Variants in ANKS1B observed in about 807,000 individuals in gnomAD.
ANKS1B encodes ankyrin repeat and sterile alpha motif domain containing 1B.
Under a neutral mutation model 148.3 loss-of-function variants are expected in ANKS1B, and 36 were observed. The observed-to-expected ratio is 0.24, with a 90% confidence interval of 0.19 to 0.32. ANKS1B has a LOEUF of 0.32. ANKS1B is among the 10% of genes least tolerant of loss of function. The pLI is 1.00. For missense variants in ANKS1B, 1,157 were observed against 1,542.6 expected (o/e 0.75, Z 4.19); for synonymous variants, 542 against 560.8 (o/e 0.97, Z 0.47).
intron 9 of ANKS1B, among the ~76,000 whole-genome samples, chr12:99,591,414 A>G (rs2097701956): frequency 6.6e-6 from 1 of 152,096 alleles, no homozygotes; most frequent in African/African-American, 2.4e-5. Flanking sequence ...GACTTATAAC[A>G]AGTGTTATTT....
At position 98,855,339 on chromosome 12, in the gene ANKS1B, G is replaced by A. The variant is rs9919811; in HGVS notation, c.2779-23203C>T. On this transcript the variant is annotated intron_variant, in intron 17 of 26. Coordinates refer to ENST00000683438, the MANE Select transcript of ANKS1B (RefSeq NM_001352186.2). Reference sequence around the variant, plus strand: ...GAAGGAGGCAGTGGCCATATTTAGAGGGCCAAAACCTGTTCTTCTGGTGGT... The same window carrying A: ...GAAGGAGGCAGTGGCCATATTTAGAAGGCCAAAACCTGTTCTTCTGGTGGT... Among the ~76,000 whole-genome samples the A allele has an allele frequency of 3.6e-3, 554 of 152,282 alleles. 3 individuals carry two copies. Among genetic ancestry groups the A allele is most frequent in the African/African-American group, 0.013 (530 of 41,564 alleles).
chr12:99,347,922 A>G (rs2090937972), intron 12 of ANKS1B, among the ~76,000 whole-genome samples: 1 of 152,072 alleles, frequency 6.6e-6, no homozygotes, highest in Admixed American at 6.6e-5. Flanking sequence ...ACTGTCTTAA[A>G]TATGTTTAAA....
intron 9 of ANKS1B, among the ~76,000 whole-genome samples, chr12:99,549,577 A>G (rs1157691872): frequency 3.9e-5 from 6 of 152,122 alleles, no homozygotes; most frequent in Non-Finnish European, 8.8e-5. Flanking sequence ...CAACACTTTC[A>G]TGAATGCTTT....
At chr12:99,049,647 T>TA (rs1303047879) in intron 17 of ANKS1B, among the ~76,000 whole-genome samples, 1 of 152,082 alleles carries the variant, frequency 6.6e-6, no homozygotes, top group African/African-American at 2.4e-5. Context: ...AGTCCTAAAT[T>TA]AAACAGTCAT....
intron 8 of ANKS1B, among the ~76,000 whole-genome samples, chr12:99,701,956 T>G (rs2054901447): frequency 6.6e-6 from 1 of 152,200 alleles, no homozygotes; most frequent in Non-Finnish European, 1.5e-5. Context: ...GACACTTAGG[T>G]TGCTTCCAAA....
chr12:99,547,853 A>ATGCTAGATTTT (rs1189819243), intron 9 of ANKS1B, among the ~76,000 whole-genome samples: 1 of 152,184 alleles, frequency 6.6e-6, no homozygotes, highest in African/African-American at 2.4e-5. Flanking sequence ...AGAAGAGTTT[A>ATGCTAGATTTT]TGCTAGATTT....
chr12:99,432,298 G>A (rs1486393278), intron 11 of ANKS1B, among the ~76,000 whole-genome samples: 9 of 152,108 alleles, frequency 5.9e-5, no homozygotes, highest in Admixed American at 5.9e-4. Flanking sequence ...CCTATCTAAT[G>A]CCTATTCAAA....
chr12:99,046,516 C>T (rs1215879147), intron 17 of ANKS1B, among the ~76,000 whole-genome samples: 1 of 152,126 alleles, frequency 6.6e-6, no homozygotes, highest in African/African-American at 2.4e-5. Context: ...AGACCCAAGT[C>T]TGGCCGGGTG....
intron 12 of ANKS1B, among the ~76,000 whole-genome samples, chr12:99,278,573 TAC>T (rs1299382151): frequency 6.6e-6 from 1 of 152,134 alleles, no homozygotes; most frequent in Non-Finnish European, 1.5e-5. Context: ...CTTTGATTCT[TAC>T]ACATCCTTCA....
intron 17 of ANKS1B, among the ~76,000 whole-genome samples, chr12:98,881,826 T>C (rs1482555279): frequency 3.9e-5 from 6 of 152,126 alleles, no homozygotes; most frequent in Non-Finnish European, 8.8e-5. Flanking sequence ...ATTTAATGCA[T>C]AAAGTCTAAT....
intron 8 of ANKS1B, among the ~76,000 whole-genome samples, chr12:99,665,073 G>T (rs1000531018): frequency 3.9e-5 from 6 of 152,086 alleles, no homozygotes; most frequent in Admixed American, 3.9e-4. Flanking sequence ...GAATAAAGTC[G>T]CCATTAACAT....
intron 10 of ANKS1B, among the ~76,000 whole-genome samples, chr12:99,486,981 T>C (rs2096497756): frequency 6.6e-6 from 1 of 152,150 alleles, no homozygotes; most frequent in South Asian, 2.1e-4. Flanking sequence ...GTGCCTGCCA[T>C]GGTGGACAAG....
intron 16 of ANKS1B, among the ~76,000 whole-genome samples, chr12:99,068,270 G>A (rs1337026057): frequency 6.6e-6 from 1 of 152,096 alleles, no homozygotes; most frequent in Non-Finnish European, 1.5e-5. Flanking sequence ...GTGTCCTTAG[G>A]TGATTTTGTC....
At chr12:98,899,605 A>G (rs2099769376) in intron 17 of ANKS1B, among the ~76,000 whole-genome samples, 1 of 152,188 alleles carries the variant, frequency 6.6e-6, no homozygotes, top group South Asian at 2.1e-4. Context: ...CATCCACAAG[A>G]GTTTTCACCT....
chr12:99,440,808 C>T (rs892070464), intron 11 of ANKS1B, among the ~76,000 whole-genome samples: 1 of 151,664 alleles, frequency 6.6e-6, no homozygotes, highest in Non-Finnish European at 1.5e-5. Flanking sequence ...GGTAGAGTTA[C>T]AAGAAAATAA....
intron 12 of ANKS1B, among the ~76,000 whole-genome samples, chr12:99,317,637 T>G (rs1857530244): frequency 6.6e-6 from 1 of 152,224 alleles, no homozygotes; most frequent in African/African-American, 2.4e-5. Flanking sequence ...CCTCTTTTCC[T>G]AATTGAATAC....
In ANKS1B at chr12:99,272,015, G is replaced by T. The variant is rs547974693; in HGVS notation, c.1757-25151C>A. Among the ~76,000 whole-genome samples, 29 of 152,106 alleles carry T rather than the reference G, an allele frequency of 1.9e-4. No homozygotes were observed. The East Asian group carries it at 4.3e-3, about 22-fold the overall frequency. The stretch of plus-strand genomic sequence containing the variant: ...TGTTCTGTTTTTTGTCTTTCAGTTG[G>T]GAGATGGAATCAGTGATTATCAATG... On this transcript the variant is annotated intron_variant, in intron 12 of 26. Transcript: ENST00000683438.
intron 9 of ANKS1B, among the ~76,000 whole-genome samples, chr12:99,598,684 T>A (rs2097776779): frequency 6.6e-6 from 1 of 151,890 alleles, no homozygotes; most frequent in Non-Finnish European, 1.5e-5. Context: ...GCTCTGAAAA[T>A]TAACAAGAAT....
At chr12:99,532,343 TTTG>T (rs368890225) in intron 9 of ANKS1B, among the ~76,000 whole-genome samples, 3 of 152,164 alleles carry the variant, frequency 2.0e-5, no homozygotes, top group Non-Finnish European at 4.4e-5. Context: ...TTAAGGTTTT[TTTG>T]TTGTTGTTGT....
Sources: allele counts gnomAD v4.1 joint callset (sites outside exome capture counted in the v4.1 genomes callset), GRCh38; gene constraint gnomAD v4.1.1; transcripts MANE v1.5; gene names NCBI Gene and HGNC (gene_info 2026-07-23, HGNC 2026-07-21).